CFAP47: variants seen among roughly 807,000 people sequenced by gnomAD.
The protein encoded by CFAP47 is cilia and flagella associated protein 47, also known as cilia- and flagella-associated protein 47.
A neutral mutation model predicts 148.1 loss-of-function variants in CFAP47; 29 were observed. That is an observed-to-expected ratio of 0.20 (90% CI 0.15 to 0.27). CFAP47 has a LOEUF of 0.27. Ranked by LOEUF, CFAP47 falls within the 10% of genes least tolerant of loss-of-function variation. CFAP47 has a pLI of 1.00. For missense variants in CFAP47, 1,872 were observed against 1,697.5 expected, an observed-to-expected ratio of 1.10 and a Z score of -1.81; for synonymous variants, 664 against 577.3, an observed-to-expected ratio of 1.15 and a Z score of -2.15.
intron 26 of CFAP47, among the ~76,000 whole-genome samples, chrX:36,064,564 TATGAA>T (rs1937620867): frequency 8.9e-6 from 1 of 112,019 alleles, no homozygotes; most frequent in African/African-American, 3.2e-5. Context: ...ATATTTCAGC[TATGAA>T]CATTTTTTTA....
chrX:36,378,492 C>A (rs1471108540), intron 62 of CFAP47, among the ~76,000 whole-genome samples: 1 of 112,039 alleles, frequency 8.9e-6, no homozygotes, highest in Non-Finnish European at 1.9e-5. Flanking sequence ...CCATTAAGGA[C>A]ATTGAATAGT....
At chrX:36,286,150 G>A (rs998564436) in intron 51 of CFAP47, among the ~76,000 whole-genome samples, 1 of 110,661 alleles carries the variant, frequency 9.0e-6, no homozygotes, top group Non-Finnish European at 1.9e-5. Context: ...ATTAATACTC[G>A]GAATAGATTT....
intron 51 of CFAP47, among the ~76,000 whole-genome samples, chrX:36,288,696 C>T (rs1045698049): frequency 2.7e-5 from 3 of 111,162 alleles, no homozygotes; most frequent in Non-Finnish European, 3.8e-5. Flanking sequence ...TTAAAAACAC[C>T]GTTAATCCTC....
At chrX:36,189,300 C>T (rs781929233) in intron 41 of CFAP47, among the ~76,000 whole-genome samples, 1 of 111,184 alleles carries the variant, frequency 9.0e-6, no homozygotes, top group East Asian at 2.9e-4. Context: ...GTCTTCTTCA[C>T]TCACATGTCT....
chrX:36,356,546 G>A (rs1458173937), intron 60 of CFAP47, among the ~76,000 whole-genome samples: 2 of 110,876 alleles, frequency 1.8e-5, no homozygotes, highest in Non-Finnish European at 3.8e-5. Flanking sequence ...TACAAAATCT[G>A]TAATTCTCTC....
intron 49 of CFAP47, among the ~76,000 whole-genome samples, chrX:36,257,072 C>T (rs1237470384): frequency 1.8e-5 from 2 of 112,310 alleles, no homozygotes; most frequent in Non-Finnish European, 3.8e-5. Flanking sequence ...TAGTATAGGA[C>T]TTCATAATTA....
At chrX:36,271,769 G>T (rs5929016) in intron 49 of CFAP47, among the ~76,000 whole-genome samples, 104 of 111,678 alleles carry the variant, frequency 9.3e-4, no homozygotes, top group Non-Finnish European at 1.6e-3. Flanking sequence ...ATTGAAATAA[G>T]AGCAAACACC....
chrX:36,135,966 T>TA (rs750646205), intron 33 of CFAP47, among the ~76,000 whole-genome samples: 1 of 111,627 alleles, frequency 9.0e-6, no homozygotes, highest in East Asian at 2.8e-4. Context: ...AGTCTAAGAC[T>TA]AAAGGTGTAA....
chrX:35,950,246 A>G (rs6632421), intron 4 of CFAP47, among the ~76,000 whole-genome samples: 20,997 of 111,191 alleles, frequency 0.19, 1,669 homozygotes, highest in African/African-American at 0.29. Flanking sequence ...GCCTAAATTG[A>G]AAGATTGCAT....
intron 1 of CFAP47, among the ~76,000 whole-genome samples, chrX:35,923,975 A>C (rs1250048354): frequency 6.1e-5 from 6 of 98,965 alleles, no homozygotes; most frequent in Admixed American, 1.1e-4. Flanking sequence ...ATGTGTATGT[A>C]TGTGTATATA....
chrX:36,369,368 A>G (rs1556020913), intron 62 of CFAP47, among the ~76,000 whole-genome samples: 1 of 111,155 alleles, frequency 9.0e-6, no homozygotes, highest in African/African-American at 3.3e-5. Context: ...TTTCTAAAGT[A>G]TAGATTTTGA....
intron 49 of CFAP47, among the ~76,000 whole-genome samples, chrX:36,271,782 A>G (rs1556001888): frequency 9.0e-6 from 1 of 111,538 alleles, no homozygotes; most frequent in East Asian, 2.8e-4. Context: ...CAAACACCAA[A>G]TTTACGGTGA....
chrX:36,117,060 C>G (rs1938653062), intron 33 of CFAP47, among the ~76,000 whole-genome samples: 1 of 112,048 alleles, frequency 8.9e-6, no homozygotes, highest in Non-Finnish European at 1.9e-5. Flanking sequence ...CCAGTTCCAT[C>G]TATGTTTTAG....
intron 24 of CFAP47, among the ~76,000 whole-genome samples, chrX:36,037,814 A>T (rs747301618): frequency 5.8e-4 from 65 of 111,481 alleles, no homozygotes; most frequent in Non-Finnish European, 1.1e-3. Context: ...AACCATATCA[A>T]ATTTATGAAA....
chrX:35,970,950 G>A, intron 11 of CFAP47, 27 bp downstream of exon 11: 1 of 1,156,786 alleles, frequency 8.6e-7, no homozygotes, highest in Non-Finnish European at 1.2e-6. Context: ...CAAAAAATAT[G>A]CAACAGATCA....
At chrX:36,133,531 A>G (rs1415982108) in intron 33 of CFAP47, among the ~76,000 whole-genome samples, 2 of 110,538 alleles carry the variant, frequency 1.8e-5, no homozygotes, top group East Asian at 5.8e-4. Flanking sequence ...AAAGAGGGCC[A>G]GACTCCCAAT....
At chrX:35,960,409 G>GAAAAAAAAAAAAAAAAAA (rs1936313788) in intron 8 of CFAP47, among the ~76,000 whole-genome samples, 1 of 69,695 alleles carries the variant, frequency 1.4e-5, no homozygotes, top group African/African-American at 9.2e-5. Flanking sequence ...AAAAAAAAAG[G>GAAAAAAAAAAAAAAAAAA]ACAGCTGGAA....
At chrX:36,092,059 A>G (rs1388806580) in intron 30 of CFAP47, among the ~76,000 whole-genome samples, 3 of 111,491 alleles carry the variant, frequency 2.7e-5, no homozygotes, top group East Asian at 5.6e-4. Flanking sequence ...ATTCATATTA[A>G]GAGTTTGGCT....
chrX:36,268,032 A>G (rs782318532), intron 49 of CFAP47, among the ~76,000 whole-genome samples: 3 of 112,990 alleles, frequency 2.7e-5, no homozygotes, highest in African/African-American at 6.4e-5. Context: ...TATTAATTCT[A>G]TCCCCAAGTT....
Sources: gnomAD v4.1 joint callset for allele counts (sites outside exome capture counted in the v4.1 genomes callset) on GRCh38, gnomAD v4.1.1 for gene constraint, MANE v1.5 for transcripts, NCBI Gene and HGNC (gene_info 2026-07-23, HGNC 2026-07-21) for gene names.